DOCK2: variants seen among roughly 807,000 people sequenced by gnomAD.
The protein encoded by DOCK2 is dedicator of cytokinesis protein 2.
A neutral mutation model predicts 248.9 loss-of-function variants in DOCK2; 87 were observed. The observed-to-expected ratio is 0.35, with a 90% confidence interval of 0.29 to 0.42. The LOEUF is 0.42. Among genes scored for constraint, DOCK2 ranks in the 10% least tolerant of loss-of-function variants. DOCK2 has a pLI of 1.00. For synonymous variants in DOCK2, 805 were observed against 821.6 expected, an observed-to-expected ratio of 0.98 and a Z score of 0.35; for missense variants, 1,747 against 2,300.2, an observed-to-expected ratio of 0.76 and a Z score of 4.92.
intron 33 of DOCK2, among the ~76,000 whole-genome samples, chr5:170,025,795 CCTT>C (rs1477497094): frequency 2.5e-4 from 13 of 52,180 alleles, no homozygotes; most frequent in African/African-American, 8.1e-4. Context: ...TCCCTCCCTT[CCTT>C]CCTTCCTTCC....
chr5:169,837,552 G>C (rs1163051547), intron 26 of DOCK2, among the ~76,000 whole-genome samples: 1 of 152,272 alleles, frequency 6.6e-6, no homozygotes, highest in Non-Finnish European at 1.5e-5. Flanking sequence ...GGGAACGTGA[G>C]TTGCAGCCAC....
intron 25 of DOCK2, among the ~76,000 whole-genome samples, chr5:169,770,186 C>T (rs1270433791): frequency 2.6e-5 from 4 of 152,026 alleles, no homozygotes; most frequent in African/African-American, 4.8e-5. Context: ...ACAAATGAAG[C>T]ATCCATGCAT....
intron 41 of DOCK2, among the ~76,000 whole-genome samples, chr5:170,051,951 G>T (rs1756932393): frequency 6.6e-6 from 1 of 152,168 alleles, no homozygotes; most frequent in South Asian, 2.1e-4. Flanking sequence ...GCCAAGCATG[G>T]TCTTTAGTGG....
intron 22 of DOCK2, among the ~76,000 whole-genome samples, chr5:169,731,772 G>T (rs1762786392): frequency 6.6e-6 from 1 of 152,064 alleles, no homozygotes; most frequent in South Asian, 2.1e-4. Context: ...CATTCTTTGG[G>T]GAAGGGCAAA....
chr5:169,818,861 A>G (rs767887335), intron 26 of DOCK2, among the ~76,000 whole-genome samples: 9 of 152,148 alleles, frequency 5.9e-5, no homozygotes, highest in African/African-American at 1.9e-4. Flanking sequence ...TAAATGCTCA[A>G]TGTTCTGGGG....
intron 23 of DOCK2, among the ~76,000 whole-genome samples, chr5:169,754,442 C>T (rs975585620): frequency 1.3e-5 from 2 of 152,308 alleles, no homozygotes; most frequent in East Asian, 3.9e-4. Flanking sequence ...GCCACATGAT[C>T]ACCTAATTAG....
chr5:169,736,305 T>A (rs1231527646), intron 22 of DOCK2, among the ~76,000 whole-genome samples: 2 of 152,208 alleles, frequency 1.3e-5, no homozygotes, highest in Non-Finnish European at 2.9e-5. Flanking sequence ...TATGCACAGC[T>A]GGGTCAGCAG....
At chr5:170,078,754 T>G (rs1429038570) in intron 48 of DOCK2, among the ~76,000 whole-genome samples, 1 of 152,262 alleles carries the variant, frequency 6.6e-6, no homozygotes, top group East Asian at 1.9e-4. Context: ...AATTTCATTT[T>G]ACCACGAATA....
chr5:169,653,408 GT>G (rs1757912722), intron 1 of DOCK2, among the ~76,000 whole-genome samples: 1 of 152,236 alleles, frequency 6.6e-6, no homozygotes, highest in South Asian at 2.1e-4. Flanking sequence ...AAGTGAGTCT[GT>G]TTTGTAGCTG....
intron 1 of DOCK2, among the ~76,000 whole-genome samples, chr5:169,644,624 T>A (rs1185784716): frequency 3.3e-5 from 5 of 152,062 alleles, no homozygotes; most frequent in African/African-American, 1.2e-4. Flanking sequence ...CGGTACTTTT[T>A]TTTTTTTTTT....
chr5:169,655,148 T>C (rs1280085086), intron 2 of DOCK2, among the ~76,000 whole-genome samples: 1 of 152,192 alleles, frequency 6.6e-6, no homozygotes, highest in South Asian at 2.1e-4. Flanking sequence ...AAACTTGATA[T>C]TGGGAGCATG....
At chr5:169,953,868 G>A (rs918174361) in intron 27 of DOCK2, among the ~76,000 whole-genome samples, 2 of 152,184 alleles carry the variant, frequency 1.3e-5, no homozygotes, top group Admixed American at 1.3e-4. Context: ...CCACTTACTT[G>A]TTCCGAGTTA....
At chr5:170,048,289 C>A (rs1303664724) in intron 40 of DOCK2, among the ~76,000 whole-genome samples, 1 of 151,750 alleles carries the variant, frequency 6.6e-6, no homozygotes, top group Non-Finnish European at 1.5e-5. Context: ...CTATTTGGGG[C>A]CTGAGACAGG....
chr5:169,863,117 G>A (rs976268451), intron 27 of DOCK2, among the ~76,000 whole-genome samples: 3 of 152,170 alleles, frequency 2.0e-5, no homozygotes, highest in Non-Finnish European at 4.4e-5. Flanking sequence ...GGATCCACAT[G>A]TATGTAGGTC....
chr5:169,798,930 C>A lies in DOCK2; in HGVS notation c.2555-4128C>A, dbSNP rs1766811553. Among the ~76,000 whole-genome samples the A allele has an allele frequency of 3.9e-5, 6 of 152,284 alleles. No individual in the cohort carries two copies. In the South Asian group the frequency reaches 1.2e-3, roughly 32 times the overall value. ...TTGAGCCACAAAAAGCTATTTTAAG[C>A]CTTAAAACATTGTCATCTTGTACTT... On this transcript the variant is annotated intron_variant, in intron 25 of 51. Transcript: ENST00000520908.
At chr5:169,694,447 C>G (rs1022175773) in intron 9 of DOCK2, among the ~76,000 whole-genome samples, 1 of 152,150 alleles carries the variant, frequency 6.6e-6, no homozygotes, top group African/African-American at 2.4e-5. Context: ...GGGAGCTGTA[C>G]TGTAGTAGCT....
intron 1 of DOCK2, among the ~76,000 whole-genome samples, chr5:169,650,816 G>A (rs1757762100): frequency 6.6e-6 from 1 of 152,092 alleles, no homozygotes; most frequent in African/African-American, 2.4e-5. Context: ...ATGGTGCTTT[G>A]GTACAAGGAG....
At chr5:169,711,163 G>A (rs190776625) in intron 15 of DOCK2, among the ~76,000 whole-genome samples, 6 of 152,338 alleles carry the variant, frequency 3.9e-5, no homozygotes, top group Admixed American at 2.0e-4. Flanking sequence ...TTGTTTTGGC[G>A]TTTAATAGGC....
At chr5:169,708,545 T>G (rs1425208275) in intron 15 of DOCK2, among the ~76,000 whole-genome samples, 6 of 149,930 alleles carry the variant, frequency 4.0e-5, no homozygotes, top group Non-Finnish European at 8.9e-5. Flanking sequence ...AGCAGAATAC[T>G]GACTGGAACA....
Sources: gnomAD v4.1 joint callset for allele counts (sites outside exome capture counted in the v4.1 genomes callset) on GRCh38, gnomAD v4.1.1 for gene constraint, MANE v1.5 for transcripts, NCBI Gene and HGNC (gene_info 2026-07-23, HGNC 2026-07-21) for gene names.